The following TRAT1 variants were observed in gnomAD, a reference collection of about 807,000 sequenced individuals.
TRAT1 encodes T-cell receptor-associated transmembrane adapter 1.
A neutral mutation model predicts 20.0 loss-of-function variants in TRAT1; 20 were observed. The observed-to-expected ratio is 1.00, with a 90% CI of 0.70 to 1.45. TRAT1 has a LOEUF of 1.45. TRAT1 is among the 40% of genes most tolerant of loss of function. The pLI is 0.00. For synonymous variants in TRAT1, 77 were observed against 74.2 expected, an observed-to-expected ratio of 1.04 and a Z score of -0.20; for missense variants, 237 against 224.1, an observed-to-expected ratio of 1.06 and a Z score of -0.37.
chr3:108,840,562 A>G (rs1436089499), intron 3 of TRAT1, among the ~76,000 whole-genome samples: 1 of 152,158 alleles, frequency 6.6e-6, no homozygotes, highest in African/African-American at 2.4e-5. Flanking sequence ...AGCTTTTATA[A>G]CATTTATTCA....
chr3:108,824,439 T>TAGCACAACAAGCA (rs1485985608), intron 1 of TRAT1, among the ~76,000 whole-genome samples: 4 of 152,228 alleles, frequency 2.6e-5, no homozygotes, highest in Non-Finnish European at 4.4e-5. Flanking sequence ...AACTCATTGT[T>TAGCACAACAAGCA]CAATATGCAT....
chr3:108,837,174 T>C (rs143312706), intron 2 of TRAT1, among the ~76,000 whole-genome samples: 6 of 152,242 alleles, frequency 3.9e-5, no homozygotes, highest in African/African-American at 1.4e-4. Flanking sequence ...TGTGCACTTG[T>C]ATTCACAAGA....
intron 1 of TRAT1, among the ~76,000 whole-genome samples, chr3:108,825,279 C>T (rs902113806): frequency 1.3e-5 from 2 of 152,110 alleles, no homozygotes; most frequent in African/African-American, 2.4e-5. Flanking sequence ...CTGCATCATC[C>T]ATAATGTTCT....
chr3:108,851,253 G>C (rs948935788), intron 5 of TRAT1, among the ~76,000 whole-genome samples: 1 of 152,178 alleles, frequency 6.6e-6, no homozygotes, highest in African/African-American at 2.4e-5. Context: ...AGGCTCCTTG[G>C]CCTTTGAAAA....
At chr3:108,847,377 G>A in intron 4 of TRAT1, 2 of 352,828 alleles carry the variant, frequency 5.7e-6, no homozygotes, top group Non-Finnish European at 1.0e-5. Context: ...TAGTAGTAAT[G>A]AGAATACAGG....
At chr3:108,835,079 A>T (rs1248157346) in intron 2 of TRAT1, among the ~76,000 whole-genome samples, 2 of 152,238 alleles carry the variant, frequency 1.3e-5, no homozygotes, top group Admixed American at 6.5e-5. Context: ...TTGGTCATAC[A>T]TCAAAGTCCT....
intron 3 of TRAT1, among the ~76,000 whole-genome samples, chr3:108,840,217 T>C (rs951698956): frequency 2.0e-5 from 3 of 152,198 alleles, no homozygotes; most frequent in Non-Finnish European, 4.4e-5. Flanking sequence ...CTCTTAACAT[T>C]GAATTATTTA....
intron 2 of TRAT1, among the ~76,000 whole-genome samples, chr3:108,834,545 T>C (rs1309635328): frequency 6.6e-6 from 1 of 152,246 alleles, no homozygotes; most frequent in Non-Finnish European, 1.5e-5. Context: ...CCTGCCTTAT[T>C]TCTCTGGGAC....
In TRAT1 at chr3:108,853,563, C is replaced by T; in HGVS notation, c.304-57C>T. On this transcript the variant is annotated intron_variant, in intron 5 of 5. Transcript: ENST00000295756. ...GGTTTTCATACGCCACAGAAATTTC[C>T]AGAAGTCAAGCTAAAGAACAGACTA... 6 of 1,548,414 alleles carry T rather than the reference C, an allele frequency of 3.9e-6. No homozygotes were observed. The South Asian group carries it at 5.0e-5, about 13-fold the overall frequency.
rs2107507346 is a variant in TRAT1, at chr3:108,830,717, G to A, written c.55G>A (p.Gly19Ser). 1 of 1,613,894 alleles carries A rather than the reference G, an allele frequency of 6.2e-7. No homozygotes were observed. ...FFLWGLLALL[G>S]LALVISLIFN... is the part of the protein sequence containing the mutation. ...CCTCTGGGGACTTCTAGCATTGTTG[G>A]GCTTGGCTTTGGTTATATCACTGAT... The change falls in exon 2 of 6, where the codon GGC (glycine) becomes AGC (serine). Residue 19 changes from glycine (G) to serine (S), a missense_variant. Gly to Ser is a moderately conservative substitution (Grantham distance 56, BLOSUM62 0). Coordinates refer to ENST00000295756, the MANE Select transcript of TRAT1 (RefSeq NM_016388.4).
intron 2 of TRAT1, among the ~76,000 whole-genome samples, chr3:108,836,545 TTAA>T (rs1429069720): frequency 6.6e-6 from 1 of 152,192 alleles, no homozygotes; most frequent in Non-Finnish European, 1.5e-5. Context: ...TCATACCATC[TTAA>T]TAATACCAGT....
intron 1 of TRAT1, among the ~76,000 whole-genome samples, chr3:108,825,428 A>G (rs571236386): frequency 2.0e-5 from 3 of 151,838 alleles, no homozygotes; most frequent in South Asian, 2.1e-4. Flanking sequence ...ATTTTTTTTA[A>G]AAAAAAGGAG....
intron 2 of TRAT1, among the ~76,000 whole-genome samples, 175 bp downstream of exon 2, chr3:108,830,955 C>A (rs1351509179): frequency 6.6e-6 from 1 of 152,192 alleles, no homozygotes; most frequent in Admixed American, 6.5e-5. Flanking sequence ...TTTAAGAATG[C>A]AATCATATTA....
intron 5 of TRAT1, among the ~76,000 whole-genome samples, chr3:108,851,615 G>T (rs1450807884): frequency 7.9e-6 from 1 of 126,314 alleles, no homozygotes; most frequent in African/African-American, 3.0e-5. Context: ...ATATGTGAAA[G>T]TCCCTCCAAT....
chr3:108,839,902 G>A (rs1945877718), intron 3 of TRAT1, among the ~76,000 whole-genome samples: 2 of 151,590 alleles, frequency 1.3e-5, no homozygotes, highest in African/African-American at 4.8e-5. Context: ...TACTTTTTTT[G>A]TATAGAATAT....
intron 3 of TRAT1, among the ~76,000 whole-genome samples, chr3:108,843,758 A>G (rs1222425173): frequency 6.6e-6 from 1 of 152,112 alleles, no homozygotes; most frequent in Non-Finnish European, 1.5e-5. Flanking sequence ...CAAGGTTACC[A>G]TGATCAAATC....
chr3:108,853,509 G>A, intron 5 of TRAT1, 111 bp from the exon 6 acceptor site: 2 of 1,323,044 alleles, frequency 1.5e-6, no homozygotes, highest in Non-Finnish European at 2.1e-6. Flanking sequence ...GCAAAACAAG[G>A]TAGGTGAGGC....
chr3:108,834,984 AC>A (rs1291500205), intron 2 of TRAT1, among the ~76,000 whole-genome samples: 2 of 152,174 alleles, frequency 1.3e-5, no homozygotes, highest in African/African-American at 4.8e-5. Context: ...GAGTGCATTC[AC>A]TTTTTCCTTC....
intron 2 of TRAT1, 127 bp downstream of exon 2, chr3:108,830,907 T>A (rs1488640418): frequency 1.5e-6 from 1 of 648,334 alleles, no homozygotes; most frequent in Non-Finnish European, 2.7e-6. Flanking sequence ...CTATAGAAAA[T>A]CTATTTGCTA....
Sources: allele counts gnomAD v4.1 joint callset (sites outside exome capture counted in the v4.1 genomes callset), GRCh38; gene constraint gnomAD v4.1.1; transcripts MANE v1.5; gene names NCBI Gene and HGNC (gene_info 2026-07-23, HGNC 2026-07-21).